WIPF2: variants seen among roughly 807,000 people sequenced by gnomAD.
The protein encoded by WIPF2 is WAS/WASL-interacting protein family member 2.
In WIPF2, 23 loss-of-function variants were observed where a neutral mutation model predicts 38.8. The ratio of observed to expected loss-of-function variants is 0.59; its 90% CI spans 0.43 to 0.84. WIPF2 has a LOEUF of 0.84. Ranked by LOEUF, WIPF2 falls within the 40% of genes least tolerant of loss-of-function variation. The pLI is 0.00. For synonymous variants in WIPF2, 210 were observed against 223.2 expected (o/e 0.94, Z 0.53); for missense variants, 574 against 580.5 (o/e 0.99, Z 0.11).
rs2032428497 is a variant in WIPF2 at position 40,277,181 on chromosome 17, C to T, written c.1279C>T (p.Arg427Ter). The change falls in exon 7 of 8, where the codon CGA (arginine) becomes TGA (stop). Residue 427 changes from arginine to a stop codon, truncating the protein, a stop_gained. Coordinates refer to ENST00000323571, the MANE Select transcript of WIPF2 (RefSeq NM_133264.5). LOFTEE classifies it high-confidence loss of function. The stretch of plus-strand genomic sequence containing the variant: ...GAGGATATATCCCAGCAAAACAAAC[C>T]GAGGTGAGAATAATAATAAGAAGGT... ...FQRIYPSKTN[R>*]AARGAPPLPP... The T allele has an allele frequency of 1.3e-6, 2 of 1,598,856 alleles. No homozygotes were observed. The highest frequency in any genetic ancestry group is 2.2e-5 in the East Asian group (1 of 44,448).
intron 1 of WIPF2, among the ~76,000 whole-genome samples, chr17:40,230,301 C>G (rs2030685300): frequency 6.6e-6 from 1 of 152,128 alleles, no homozygotes; most frequent in African/African-American, 2.4e-5. Context: ...TGCAGCACCA[C>G]TGCACTCCAA....
intron 2 of WIPF2, among the ~76,000 whole-genome samples, chr17:40,258,437 C>A (rs2031797135): frequency 6.6e-6 from 1 of 152,084 alleles, no homozygotes; most frequent in Admixed American, 6.6e-5. Flanking sequence ...ATTAAAAATA[C>A]AAAAATTAGC....
At chr17:40,232,073 T>C (rs1050481299) in intron 1 of WIPF2, among the ~76,000 whole-genome samples, 1 of 148,894 alleles carries the variant, frequency 6.7e-6, no homozygotes, top group African/African-American at 2.5e-5. Flanking sequence ...AGTGCAGTGG[T>C]GTGATGTCTG....
At chr17:40,278,138 TG>T (rs757463966) in intron 7 of WIPF2, 46 bp from the exon 8 acceptor site, 1 of 1,593,320 alleles carries the variant, frequency 6.3e-7, no homozygotes. Flanking sequence ...GTTCAGATTC[TG>T]GTGGGTGACC....
At chr17:40,264,281 G>T (rs1319912417) in intron 4 of WIPF2, among the ~76,000 whole-genome samples, 1 of 123,630 alleles carries the variant, frequency 8.1e-6, no homozygotes, top group African/African-American at 3.2e-5. Context: ...AGCTGAGATT[G>T]CACCATTGCA....
chr17:40,257,176 A>G (rs1163145432), intron 2 of WIPF2, among the ~76,000 whole-genome samples: 1 of 151,864 alleles, frequency 6.6e-6, no homozygotes, highest in African/African-American at 2.4e-5. Context: ...ATGGGGTTTC[A>G]CCATGTTGGC....
intron 1 of WIPF2, among the ~76,000 whole-genome samples, chr17:40,247,366 G>A (rs368814110): frequency 2.7e-5 from 4 of 149,774 alleles, no homozygotes; most frequent in African/African-American, 9.8e-5. Context: ...TTACAGGTGC[G>A]TGCCACCAAG....
At chr17:40,233,835 G>A (rs1490832771) in intron 1 of WIPF2, among the ~76,000 whole-genome samples, 2 of 151,904 alleles carry the variant, frequency 1.3e-5, no homozygotes, top group African/African-American at 4.8e-5. Flanking sequence ...AAGCCGAGGC[G>A]GGCGGATCAC....
chr17:40,251,754 T>C (rs2031568115), intron 1 of WIPF2, among the ~76,000 whole-genome samples: 1 of 152,214 alleles, frequency 6.6e-6, no homozygotes, highest in South Asian at 2.1e-4. Context: ...CTCATGTACA[T>C]GTAGGCACTC....
At chr17:40,249,556 C>T (rs576727990) in intron 1 of WIPF2, among the ~76,000 whole-genome samples, 41 of 151,736 alleles carry the variant, frequency 2.7e-4, no homozygotes, top group Non-Finnish European at 4.4e-4. Flanking sequence ...TGGGTTCAAG[C>T]GGTTCTCCTG....
At chr17:40,235,839 G>A (rs2030947314) in intron 1 of WIPF2, among the ~76,000 whole-genome samples, 1 of 152,082 alleles carries the variant, frequency 6.6e-6, no homozygotes, top group Non-Finnish European at 1.5e-5. Flanking sequence ...CTCCCAAAGT[G>A]CTGGGATTAC....
chr17:40,249,687 A>G (rs534799584), intron 1 of WIPF2, among the ~76,000 whole-genome samples: 1 of 151,982 alleles, frequency 6.6e-6, no homozygotes, highest in South Asian at 2.1e-4. Flanking sequence ...TCCTGACCTC[A>G]GGTGATCTGC....
Position 40,232,179 on chromosome 17 carries a change from ATTTTTTTTTTT to A in WIPF2, c.-70+12705_-70+12715del, listed in dbSNP as rs752876006. On this transcript the variant is annotated intron_variant, in intron 1 of 7. Coordinates refer to ENST00000323571, the MANE Select transcript of WIPF2 (RefSeq NM_133264.5). Reference sequence around the variant, plus strand: ...AGGCACATGCCACCATGCCTGGCTAATTTTTTTTTTTTTTTTTTTTTTTTTTTTGAGACAGG... The same window carrying A: ...AGGCACATGCCACCATGCCTGGCTAATTTTTTTTTTTTTTTTTGAGACAGG... Among the ~76,000 whole-genome samples the A allele has an allele frequency of 1.3e-4, 10 of 76,050 alleles. No individual in the cohort carries two copies. The East Asian group carries it at 1.4e-3, about 11-fold the overall frequency. 49.9% of individuals were successfully genotyped at this position (76,050 alleles called of 152,430 possible).
intron 4 of WIPF2, among the ~76,000 whole-genome samples, chr17:40,263,229 A>G (rs1438621427): frequency 1.3e-5 from 2 of 152,172 alleles, no homozygotes; most frequent in Non-Finnish European, 2.9e-5. Context: ...GGATGGTTTC[A>G]GGATGAAACT....
At position 40,224,473 on chromosome 17, in the gene WIPF2, C is replaced by T. The variant is rs1380114141; in HGVS notation, c.-70+4981C>T. On this transcript the variant is annotated intron_variant, in intron 1 of 7. Coordinates refer to ENST00000323571, the MANE Select transcript of WIPF2 (RefSeq NM_133264.5). ...CTTGTTAGCGAGGATGTCTTGATCT[C>T]CTGACCTTGTGATCCACCCGCCTCG... 2.8e-5 allele frequency among the ~76,000 whole-genome samples: 4 copies of T among 144,380 alleles called. No individual in the cohort carries two copies. The Admixed American group carries it at 2.8e-4, about 10-fold the overall frequency. The allele number at this position is 144,380 out of a possible 152,430, so 94.7% of individuals were successfully genotyped here. A position where few individuals can be genotyped will look rare whatever the true frequency, so the allele number is the denominator to read the frequency against.
At chr17:40,228,257 C>T (rs181035692) in intron 1 of WIPF2, among the ~76,000 whole-genome samples, 2 of 151,630 alleles carry the variant, frequency 1.3e-5, no homozygotes, top group South Asian at 2.1e-4. Context: ...CCTCGTGATC[C>T]GCCCGCCTCG....
chr17:40,247,657 A>G (rs1303590493), intron 1 of WIPF2, among the ~76,000 whole-genome samples: 8 of 147,822 alleles, frequency 5.4e-5, no homozygotes, highest in Non-Finnish European at 1.5e-5. Context: ...GAGTAGCTGG[A>G]GTTACAGGCG....
intron 1 of WIPF2, among the ~76,000 whole-genome samples, chr17:40,254,271 T>C (rs2031651299): frequency 6.6e-6 from 1 of 152,074 alleles, no homozygotes; most frequent in Non-Finnish European, 1.5e-5. Context: ...CCTTTCTCCA[T>C]CTCCCAAAGT....
chr17:40,239,691 C>CTTTT (rs748169841), intron 1 of WIPF2, among the ~76,000 whole-genome samples: 55 of 107,158 alleles, frequency 5.1e-4, no homozygotes, highest in Non-Finnish European at 7.1e-4. Flanking sequence ...TTCAGCTTTT[C>CTTTT]TTTTTTTTTT....
Sources: gnomAD v4.1 joint callset for allele counts (sites outside exome capture counted in the v4.1 genomes callset) on GRCh38, gnomAD v4.1.1 for gene constraint, MANE v1.5 for transcripts, NCBI Gene and HGNC (gene_info 2026-07-23, HGNC 2026-07-21) for gene names.